VSIG10L: variants seen among roughly 807,000 people sequenced by gnomAD.
VSIG10L encodes the protein V-set and immunoglobulin domain-containing protein 10-like.
Under a neutral mutation model 67.3 loss-of-function variants are expected in VSIG10L, and 63 were observed. The observed-to-expected ratio is 0.94, with a 90% confidence interval of 0.76 to 1.15. VSIG10L has a LOEUF of 1.15. VSIG10L is among the 50% of genes most tolerant of loss of function. VSIG10L has a pLI of 0.00. For missense variants in VSIG10L, 1,050 were observed against 1,177.5 expected, an observed-to-expected ratio of 0.89 and a Z score of 1.58; for synonymous variants, 499 against 524.9, an observed-to-expected ratio of 0.95 and a Z score of 0.67.
Position 51,341,555 on chromosome 19 carries a change from G to C in VSIG10L, c.493C>G (p.Pro165Ala), listed in dbSNP as rs1245182931. The stretch of plus-strand genomic sequence containing the variant: ...GAGAGTTTAAGATCCATATCATCCG[G>C]GGAGAATTTTGAATCTGGGGCCTCA... The part of the protein sequence containing the change: ...SVEAPDSKFS[P>A]DDMDLKLSAQ... Residue 165 changes from proline to alanine, a missense_variant, in exon 2 of 10, where the codon CCG (proline) becomes GCG (alanine). By Grantham distance (27) the Pro-to-Ala change is conservative. Transcript: ENST00000335624. 2 of 1,551,602 alleles carry C rather than the reference G, an allele frequency of 1.3e-6. No homozygotes were observed. Among genetic ancestry groups the C allele is most frequent in the Admixed American group, 2.0e-5 (1 of 50,988 alleles).
Position 51,340,037 on chromosome 19 carries a change from C to A in VSIG10L, c.1452G>T (p.Ser484=), listed in dbSNP as rs746012174. Residue 484 remains serine, a synonymous_variant, in exon 4 of 10, where the codon TCG becomes TCT. Transcript: ENST00000335624. The surrounding 1 kb of genome is among the most constrained non-coding windows in gnomAD (Gnocchi z 6.3). ...ANPRTGRRRR[S]LLNLTVADLP... ...CACCCGCCACTGTAAGGTTGAGCAG[C>A]GAGCGGCGGCGGCGGCCGGTACGCG... 7.0e-6 allele frequency: 10 copies of A among 1,436,406 alleles called. No homozygotes were observed. Among genetic ancestry groups the A allele is most frequent in the South Asian group, 1.4e-5 (1 of 73,546 alleles). The allele number at this position is 1,436,406 out of a possible 1,614,324, so 89.0% of individuals were successfully genotyped here.
In VSIG10L at chr19:51,339,132, G is replaced by A; in HGVS notation, c.1485C>T (p.Pro495=). The A allele has an allele frequency of 1.5e-6, 2 of 1,305,082 alleles. No homozygotes were observed. The highest frequency in any genetic ancestry group is 2.0e-6 in the Non-Finnish European group (2 of 1,018,204). 80.8% of individuals were successfully genotyped at this position (1,305,082 alleles called of 1,614,324 possible). ...LLNLTVADLP[P]GAPQCSVEGG... ...CTTCAACTGAGCACTGTGGGGCCCCGGGGGGCAGGTCTGCGGAGAGAAGGG... is the reference window on the plus strand; with the variant it reads ...CTTCAACTGAGCACTGTGGGGCCCCAGGGGGCAGGTCTGCGGAGAGAAGGG... Residue 495 remains proline, a synonymous_variant, in exon 5 of 10, where the codon CCC becomes CCT. Coordinates refer to ENST00000335624, the MANE Select transcript of VSIG10L (RefSeq NM_001163922.3).
At position 51,333,903 on chromosome 19, in the gene VSIG10L, G is replaced by T; in HGVS notation, c.2462C>A (p.Pro821His). The T allele has an allele frequency of 6.4e-7, 1 of 1,551,672 alleles. No individual in the cohort carries two copies. Reference protein sequence around the residue: ...EKKKHPSTLVPVVTPSEKKMH... With the variant: ...EKKKHPSTLVHVVTPSEKKMH... ...CTTCTTTTCTGAGGGGGTGACCACGGGGACCAAGGTAGAAGGATGCTTCTT... is the reference window on the plus strand; with the variant it reads ...CTTCTTTTCTGAGGGGGTGACCACGTGGACCAAGGTAGAAGGATGCTTCTT... The change falls in exon 9 of 10, where the codon CCC (proline) becomes CAC (histidine). Residue 821 changes from proline (P) to histidine (H), a missense_variant. Physicochemically the swap from Pro to His is moderately conservative, Grantham distance 77. Transcript: ENST00000335624.
At chr19:51,332,671 C>T (rs1985387077) in intron 9 of VSIG10L, 31 bp from the exon 10 acceptor site, 3 of 1,545,032 alleles carry the variant, frequency 1.9e-6, no homozygotes, top group Non-Finnish European at 2.6e-6. Context: ...GAGGGGAGAA[C>T]TCAGTAGGTA....
Position 51,341,516 on chromosome 19 carries a change from C to G in VSIG10L, c.532G>C (p.Glu178Gln), listed in dbSNP as rs770566114. The change falls in exon 2 of 10, where the codon GAA (glutamate) becomes CAA (glutamine). Residue 178 changes from glutamate (E) to glutamine (Q), a missense_variant. Glu to Gln is a conservative substitution (Grantham distance 29, BLOSUM62 2). Around this residue, in one of 3 missense-constraint regions of VSIG10L, gnomAD observed 511 missense variants for 557.9 expected, o/e 0.92. Transcript: ENST00000335624. ...MDLKLSAQSPESKFSAETHSA... is the reference protein window; with the variant it reads ...MDLKLSAQSPQSKFSAETHSA... ...TGGGTCTCTGCAGAAAATTTGGATTCAGGGCTCTGGGCAGAGAGTTTAAGA... is the reference window on the plus strand; with the variant it reads ...TGGGTCTCTGCAGAAAATTTGGATTGAGGGCTCTGGGCAGAGAGTTTAAGA... 5 of 1,551,014 alleles carry G rather than the reference C, an allele frequency of 3.2e-6. No homozygotes were observed. The South Asian group carries it at 6.0e-5, about 18-fold the overall frequency.
At position 51,341,623 on chromosome 19, in the gene VSIG10L, G is replaced by A. The variant is rs773676237; in HGVS notation, c.425C>T (p.Ala142Val). Residue 142 changes from alanine (A) to valine (V), a missense_variant, in exon 2 of 10, where the codon GCT becomes GTT. Physicochemically the swap from Ala to Val is moderately conservative, Grantham distance 64. Around this residue, in one of 3 missense-constraint regions of VSIG10L, gnomAD observed 511 missense variants for 557.9 expected, o/e 0.92. Coordinates refer to ENST00000335624, the MANE Select transcript of VSIG10L (RefSeq NM_001163922.3). ...GGAGACTTGAGTAGAAATGTTTGAA[G>A]CTGGGGTCTTAACAGTGAAGGAAGG... Reference protein sequence around the residue: ...PKPSFTVKTPASNISTQVSHT... With the variant: ...PKPSFTVKTPVSNISTQVSHT... The A allele has an allele frequency of 7.1e-6, 11 of 1,551,770 alleles. No individual in the cohort carries two copies. The South Asian group carries it at 1.3e-4, about 18-fold the overall frequency.
rs1008935531 is a variant in VSIG10L, at chr19:51,332,378, T to A, written c.*233A>T. 1 of 612,160 alleles carries A rather than the reference T, an allele frequency of 1.6e-6. No individual in the cohort carries two copies. The highest frequency in any genetic ancestry group is 2.4e-5 in the Admixed American group (1 of 41,986). 37.9% of individuals were successfully genotyped at this position (612,160 alleles called of 1,614,324 possible). On this transcript the variant is annotated 3_prime_UTR_variant, in exon 10 of 10. Transcript: ENST00000335624. ...ACCACACAGTTAGATCAGCAAGAGT[T>A]TCCCAGCCAAGAAGTCACATCTCCT...
Position 51,340,518 on chromosome 19 carries a change from A to G in VSIG10L, c.1104T>C (p.Pro368=), listed in dbSNP as rs1985607124. 2 of 1,532,994 alleles carry G rather than the reference A, an allele frequency of 1.3e-6. No homozygotes were observed. The highest frequency in any genetic ancestry group is 1.4e-5 in the African/African-American group (1 of 72,750). The allele number at this position is 1,532,994 out of a possible 1,614,324, so 95.0% of individuals were successfully genotyped here. The change falls in exon 3 of 10, where the codon CCT becomes CCC. Residue 368 remains proline (P), a synonymous_variant. Coordinates refer to ENST00000335624, the MANE Select transcript of VSIG10L (RefSeq NM_001163922.3). This position sits in a 1 kb window ranked among gnomAD's most constrained non-coding sequence, Gnocchi z 6.3. ...SEGDQLLIVR[P]VRSDHARYTC... Reference sequence around the variant, plus strand: ...TGTACCGGGCGTGGTCGCTGCGCACAGGGCGCACGATGAGCAGCTGGTCGC... The same window carrying G: ...TGTACCGGGCGTGGTCGCTGCGCACGGGGCGCACGATGAGCAGCTGGTCGC...
intron 5 of VSIG10L, among the ~76,000 whole-genome samples, chr19:51,338,448 C>T (rs1985542983): frequency 6.6e-6 from 1 of 152,112 alleles, no homozygotes; most frequent in South Asian, 2.1e-4. Flanking sequence ...CTGGGAAACT[C>T]ATATTATTTT....
In VSIG10L at chr19:51,341,214, C is replaced by T. The variant is rs750675478; in HGVS notation, c.834G>A (p.Thr278=). Residue 278 remains threonine (T), a synonymous_variant, in exon 2 of 10, where the codon ACG becomes ACA. Transcript: ENST00000335624. ...SAQLDDAGVY[T]AEVIRAGVSQ... is the part of the protein sequence containing the mutation. ...AGACCCCTGCCCGGATGACCTCAGC[C>T]GTGTAGACCCCTGCATCGTCCAGCT... The T allele has an allele frequency of 1.2e-5, 18 of 1,549,486 alleles. No homozygotes were observed. Among genetic ancestry groups the T allele is most frequent in the Middle Eastern group, 1.7e-4 (1 of 6,006 alleles).
In VSIG10L at chr19:51,337,100, T is replaced by C; in HGVS notation, c.2305+138A>G. ...ATTTTAGACTTCTGACCTCCAGACC[T>C]GTGAGAGAAGAAATTCCTGTAGTCT... On this transcript the variant is annotated intron_variant, in intron 7 of 9. Transcript: ENST00000335624. 4 of 1,150,082 alleles carry C rather than the reference T, an allele frequency of 3.5e-6. No individual in the cohort carries two copies. In the South Asian group the frequency reaches 6.7e-5, roughly 19 times the overall value. 71.2% of individuals were successfully genotyped at this position (1,150,082 alleles called of 1,614,324 possible).
rs1230719837 is a variant in VSIG10L, at chr19:51,340,228, CCG to C, written c.1259_1260del (p.Ala420GlyfsTer3). The C allele has an allele frequency of 1.6e-5, 24 of 1,510,264 alleles. No homozygotes were observed. Among genetic ancestry groups the C allele is most frequent in the Non-Finnish European group, 1.8e-5 (20 of 1,136,772 alleles). 93.6% of individuals were successfully genotyped at this position (1,510,264 alleles called of 1,614,324 possible). A position where few individuals can be genotyped will look rare whatever the true frequency, so the allele number is the denominator to read the frequency against. On this transcript the variant is annotated frameshift_variant, in exon 4 of 10. Transcript: ENST00000335624. LOFTEE classifies it high-confidence loss of function. The surrounding 1 kb of genome is among the most constrained non-coding windows in gnomAD (Gnocchi z 6.3). ...GCGCAGCGCAAGGTCACGTTACTGCCCGCGGTGACAAAGCGGGCAGGCGCGGC... is the reference window on the plus strand; with the variant it reads ...GCGCAGCGCAAGGTCACGTTACTGCCCGGTGACAAAGCGGGCAGGCGCGGC... ...RDAAPARFVT[A>X]GSNVTLRCAA...
At chr19:51,339,278 A>G in intron 4 of VSIG10L, 136 bp from the exon 5 acceptor site, 2 of 976,166 alleles carry the variant, frequency 2.0e-6, no homozygotes, top group Non-Finnish European at 2.7e-6. Flanking sequence ...TTTTCCTGCG[A>G]TCCCGTTCCC....
At chr19:51,337,877 C>G in intron 6 of VSIG10L, 53 bp downstream of exon 6, 1 of 1,488,856 alleles carries the variant, frequency 6.7e-7, no homozygotes, top group South Asian at 1.4e-5. Flanking sequence ...GGTCTGAGGG[C>G]TGGAGCGGCT....
Position 51,340,396 on chromosome 19 carries a change from G to C in VSIG10L, c.1189+37C>G, listed in dbSNP as rs1985602061. On this transcript the variant is annotated intron_variant, in intron 3 of 9. Coordinates refer to ENST00000335624, the MANE Select transcript of VSIG10L (RefSeq NM_001163922.3). The surrounding 1 kb of genome is among the most constrained non-coding windows in gnomAD (Gnocchi z 6.3). ...GGTCCCCAGCCCGCTTCTCCCCAAG[G>C]ACCCCCTGTCCCCGACCCGAGGCAT... is the stretch of plus-strand genomic sequence containing the variant. 12 of 1,463,750 alleles carry C rather than the reference G, an allele frequency of 8.2e-6. No individual in the cohort carries two copies. Among genetic ancestry groups the C allele is most frequent in the Non-Finnish European group, 1.1e-5 (12 of 1,106,698 alleles). The allele number at this position is 1,463,750 out of a possible 1,614,324, so 90.7% of individuals were successfully genotyped here.
chr19:51,338,382 A>T (rs1033740879), intron 5 of VSIG10L, among the ~76,000 whole-genome samples, 174 bp from the exon 6 acceptor site: 7 of 152,156 alleles, frequency 4.6e-5, no homozygotes, highest in Non-Finnish European at 1.0e-4. Flanking sequence ...TTCATTTATT[A>T]TCTGATTTCC....
At chr19:51,339,535 T>G in intron 4 of VSIG10L, 1 of 229,976 alleles carries the variant, frequency 4.3e-6, no homozygotes, top group Admixed American at 5.8e-5. Context: ...TCTAAGACAA[T>G]TCTGCCCGCT....
chr19:51,341,091 C>A (rs1985623286), intron 2 of VSIG10L, 62 bp downstream of exon 2: 1 of 1,453,058 alleles, frequency 6.9e-7, no homozygotes, highest in Non-Finnish European at 9.1e-7. Flanking sequence ...GTGACTTGCC[C>A]AAAGCCTGGC....
Position 51,340,518 on chromosome 19 carries a change from AG to A in VSIG10L, c.1103del (p.Pro368LeufsTer57). On this transcript the variant is annotated frameshift_variant, in exon 3 of 10. Coordinates refer to ENST00000335624, the MANE Select transcript of VSIG10L (RefSeq NM_001163922.3). LOFTEE classifies it high-confidence loss of function. This position sits in a 1 kb window ranked among gnomAD's most constrained non-coding sequence, Gnocchi z 6.3. ...TGTACCGGGCGTGGTCGCTGCGCACAGGGCGCACGATGAGCAGCTGGTCGCC... is the reference window on the plus strand; with the variant it reads ...TGTACCGGGCGTGGTCGCTGCGCACAGGCGCACGATGAGCAGCTGGTCGCC... ...SEGDQLLIVRPVRSDHARYTC... is the reference protein window; with the variant it reads ...SEGDQLLIVRXVRSDHARYTC... The A allele has an allele frequency of 6.5e-7, 1 of 1,533,114 alleles. No homozygotes were observed. Among genetic ancestry groups the A allele is most frequent in the Non-Finnish European group, 8.7e-7 (1 of 1,144,270 alleles). 95.0% of individuals were successfully genotyped at this position (1,533,114 alleles called of 1,614,324 possible).
Sources: allele counts gnomAD v4.1 joint callset (sites outside exome capture counted in the v4.1 genomes callset), GRCh38; gene constraint gnomAD v4.1.1; regional missense constraint gnomAD v4.1.1; non-coding constraint Gnocchi (gnomAD v3.1); transcripts MANE v1.5; gene names NCBI Gene and HGNC (gene_info 2026-07-23, HGNC 2026-07-21).